The following SORBS2 variants were observed in gnomAD, a reference collection of about 807,000 sequenced individuals.
The protein encoded by SORBS2 is sorbin and SH3 domain containing 2, also known as sorbin and SH3 domain-containing protein 2.
In SORBS2, 46 loss-of-function variants were observed where a neutral mutation model predicts 97.7. The observed-to-expected ratio is 0.47, with a 90% confidence interval of 0.37 to 0.60. The LOEUF (loss-of-function observed/expected upper bound fraction) is 0.60, where lower values mean the gene tolerates loss of function less well. Among genes scored for constraint, SORBS2 ranks in the 20% least tolerant of loss-of-function variants. SORBS2 has a pLI of 0.00. For synonymous variants in SORBS2, 476 were observed against 473.4 expected (o/e 1.01, Z -0.07); for missense variants, 1,316 against 1,282.3 (o/e 1.03, Z -0.40).
chr4:185,702,079 T>C (rs7340885), intron 2 of SORBS2, among the ~76,000 whole-genome samples: 127,315 of 152,196 alleles, frequency 0.84, 54,084 homozygotes, highest in South Asian at 0.91. Flanking sequence ...GCAAATTTCT[T>C]TTTTGTGGGA....
intron 1 of SORBS2, among the ~76,000 whole-genome samples, chr4:185,889,398 C>T (rs1321885692): frequency 1.3e-5 from 2 of 151,916 alleles, no homozygotes; most frequent in African/African-American, 2.4e-5. Flanking sequence ...TCACCATTCA[C>T]GCATTCTAAA....
chr4:185,839,071 C>T (rs1427535014), intron 1 of SORBS2, among the ~76,000 whole-genome samples: 1 of 152,196 alleles, frequency 6.6e-6, no homozygotes, highest in Non-Finnish European at 1.5e-5. Context: ...TGTTATTTTG[C>T]AAGGAAGGGG....
chr4:185,671,573 G>T (rs904241912), intron 4 of SORBS2, among the ~76,000 whole-genome samples: 9 of 152,196 alleles, frequency 5.9e-5, no homozygotes, highest in Admixed American at 3.9e-4. Context: ...CTGGTGTGCT[G>T]TAATAGCTCT....
At chr4:185,669,178 G>T (rs1039852345) in intron 4 of SORBS2, among the ~76,000 whole-genome samples, 1 of 152,178 alleles carries the variant, frequency 6.6e-6, no homozygotes, top group African/African-American at 2.4e-5. Flanking sequence ...TGGAAAAAGT[G>T]TATTGAGTTG....
At chr4:185,851,837 C>T (rs2099218027) in intron 1 of SORBS2, among the ~76,000 whole-genome samples, 1 of 152,198 alleles carries the variant, frequency 6.6e-6, no homozygotes. Context: ...AGTTTTGAGA[C>T]TCAGACTGGC....
intron 2 of SORBS2, among the ~76,000 whole-genome samples, chr4:185,649,933 T>A (rs2097283527): frequency 6.6e-6 from 1 of 152,220 alleles, no homozygotes; most frequent in African/African-American, 2.4e-5. Flanking sequence ...TAATTCAGAC[T>A]GGTACTAGGA....
At chr4:185,930,194 C>T (rs73021878) in intron 1 of SORBS2, among the ~76,000 whole-genome samples, 5,285 of 152,244 alleles carry the variant, frequency 0.035, 221 homozygotes, top group African/African-American at 0.1. Flanking sequence ...ATCCCCCAAA[C>T]ATAACAAGAA....
At chr4:185,605,496 T>C (rs1317471007) in intron 12 of SORBS2, among the ~76,000 whole-genome samples, 1 of 151,656 alleles carries the variant, frequency 6.6e-6, no homozygotes, top group Non-Finnish European at 1.5e-5. Flanking sequence ...GTTGGACAGG[T>C]TGGTTTCGAA....
chr4:185,707,906 T>A (rs1403002916), intron 2 of SORBS2, among the ~76,000 whole-genome samples: 1 of 152,186 alleles, frequency 6.6e-6, no homozygotes, highest in East Asian at 1.9e-4. Context: ...CGTGGGATTA[T>A]GGGAGCTACA....
At chr4:185,629,092 G>C (rs1012780957) in intron 5 of SORBS2, among the ~76,000 whole-genome samples, 2 of 152,142 alleles carry the variant, frequency 1.3e-5, no homozygotes, top group African/African-American at 4.8e-5. Flanking sequence ...AAACCGATGA[G>C]GTATATGCTG....
Position 185,782,029 on chromosome 4 carries a change from C to T in SORBS2, c.-337-6663G>A, listed in dbSNP as rs116147984. Reference sequence around the variant, plus strand: ...CCCCTCACATGACTTACATTCCTCCCGCAGGTACTGCATTCTGCCTGGCCC... The same window carrying T: ...CCCCTCACATGACTTACATTCCTCCTGCAGGTACTGCATTCTGCCTGGCCC... On this transcript the variant is annotated intron_variant, in intron 1 of 20. Coordinates refer to the SORBS2 transcript ENST00000284776. Among the ~76,000 whole-genome samples the T allele has an allele frequency of 1.9e-3, 296 of 152,354 alleles. 1 individual carries two copies. Among genetic ancestry groups the T allele is most frequent in the African/African-American group, 6.8e-3 (283 of 41,586 alleles).
intron 2 of SORBS2, among the ~76,000 whole-genome samples, chr4:185,716,552 C>T (rs1443445630): frequency 6.6e-6 from 1 of 152,226 alleles, no homozygotes; most frequent in East Asian, 1.9e-4. Context: ...GCCTTGGTCC[C>T]TCATTCAAAT....
intron 1 of SORBS2, among the ~76,000 whole-genome samples, chr4:185,916,562 G>A (rs1363030017): frequency 6.6e-6 from 1 of 152,198 alleles, no homozygotes; most frequent in East Asian, 1.9e-4. Flanking sequence ...AAAGAGGACT[G>A]GTTTGTGAAT....
At chr4:185,638,315 A>T (rs1399928919) in intron 4 of SORBS2, among the ~76,000 whole-genome samples, 153 bp from the exon 15 acceptor site, 1 of 152,210 alleles carries the variant, frequency 6.6e-6, no homozygotes, top group Non-Finnish European at 1.5e-5. Context: ...CGGAGGAAGT[A>T]AAGTAAAACG....
chr4:185,670,640 T>C lies in SORBS2; in HGVS notation c.-46+7783A>G, dbSNP rs1387076460. 2.0e-5 allele frequency among the ~76,000 whole-genome samples: 3 copies of C among 151,250 alleles called. No individual in the cohort carries two copies. The East Asian group carries it at 5.9e-4, about 30-fold the overall frequency. On this transcript the variant is annotated intron_variant, in intron 4 of 20. Coordinates refer to the SORBS2 transcript ENST00000284776. ...TTTTTTTGGAGTCTTGCTCTCGACC[T>C]CCAAAAGTGCTGGGATTACAGGCAT...
intron 1 of SORBS2, among the ~76,000 whole-genome samples, chr4:185,816,316 A>G (rs1260918484): frequency 6.6e-6 from 1 of 152,234 alleles, no homozygotes; most frequent in East Asian, 1.9e-4. Flanking sequence ...TCCCTGGCAC[A>G]ACAAAGAAAC....
In SORBS2 at chr4:185,619,493, C is replaced by T. The variant is rs563894320; in HGVS notation, c.2304+570G>A. Among the ~76,000 whole-genome samples, 614 of 152,280 alleles carry T rather than the reference C, an allele frequency of 4.0e-3. 2 individuals are homozygous for T. The highest frequency in any genetic ancestry group is 7.5e-3 in the Non-Finnish European group (508 of 68,026). ...GTCCAGCTTTTAGTTTCCATCCAGC[C>T]GTCATGGCTCCAAGGCAGTTTGAGC... On this transcript the variant is annotated intron_variant, in intron 8 of 14. Coordinates refer to ENST00000418609, the Ensembl canonical transcript of SORBS2.
chr4:185,768,698 C>CAAA (rs1207578871), intron 2 of SORBS2, among the ~76,000 whole-genome samples: 8,101 of 84,396 alleles, frequency 0.096, 759 homozygotes, highest in African/African-American at 0.31. Context: ...GACTCTGTCT[C>CAAA]AAAAAAAAAA....
chr4:185,952,515 A>T (rs931786130), intron 1 of SORBS2, among the ~76,000 whole-genome samples: 6 of 152,216 alleles, frequency 3.9e-5, no homozygotes, highest in Admixed American at 3.9e-4. Flanking sequence ...AGATTTAATC[A>T]CTACTAAGCC....
Sources: gnomAD v4.1 joint callset for allele counts (sites outside exome capture counted in the v4.1 genomes callset) on GRCh38, gnomAD v4.1.1 for gene constraint, MANE v1.5 for transcripts, NCBI Gene and HGNC (gene_info 2026-07-23, HGNC 2026-07-21) for gene names.